The following KAT6A variants were observed in gnomAD, a reference collection of about 807,000 sequenced individuals.
The protein encoded by KAT6A is histone acetyltransferase KAT6A.
KAT6A carries 9 observed loss-of-function variants against 198.4 expected under a neutral mutation model. The ratio of observed to expected loss-of-function variants is 0.05; its 90% confidence interval spans 0.03 to 0.08. The LOEUF is 0.08. Ranked by LOEUF, KAT6A falls within the 10% of genes least tolerant of loss-of-function variation. The pLI is 1.00. For missense variants in KAT6A, 2,077 were observed against 2,509.9 expected (o/e 0.83, Z 3.69); for synonymous variants, 890 against 883.0 (o/e 1.01, Z -0.14).
intron 8 of KAT6A, among the ~76,000 whole-genome samples, chr8:41,972,682 A>G (rs1823856805): frequency 6.6e-6 from 1 of 152,248 alleles, no homozygotes. Flanking sequence ...GAGACTAGAG[A>G]GACGTGACAA....
At chr8:42,003,244 A>G (rs367820308) in intron 2 of KAT6A, among the ~76,000 whole-genome samples, 13 of 152,230 alleles carry the variant, frequency 8.5e-5, no homozygotes, top group African/African-American at 3.1e-4. Flanking sequence ...AGCTTCCTTC[A>G]GCTCTCAGAA....
At chr8:42,024,452 C>T (rs1283426309) in intron 2 of KAT6A, among the ~76,000 whole-genome samples, 1 of 152,184 alleles carries the variant, frequency 6.6e-6, no homozygotes, top group Non-Finnish European at 1.5e-5. Context: ...TGTTGGTTAA[C>T]ACTTGAAATC....
At chr8:41,951,952 G>A (rs1327307353) in intron 9 of KAT6A, among the ~76,000 whole-genome samples, 1 of 152,170 alleles carries the variant, frequency 6.6e-6, no homozygotes. Context: ...TGCAGTAAGA[G>A]AGAAGTGAGC....
intron 8 of KAT6A, among the ~76,000 whole-genome samples, chr8:41,967,274 A>ATTTTATTT (rs1554686629): frequency 2.9e-4 from 42 of 142,798 alleles, no homozygotes; most frequent in African/African-American, 1.0e-3. Flanking sequence ...TAAAAAAAAA[A>ATTTTATTT]ATTTATTTAT....
intron 2 of KAT6A, among the ~76,000 whole-genome samples, chr8:41,993,661 G>T (rs1416307953): frequency 1.3e-5 from 2 of 152,152 alleles, no homozygotes; most frequent in Admixed American, 6.5e-5. Context: ...TACCTTGGGG[G>T]TTTAAGTCAT....
intron 9 of KAT6A, among the ~76,000 whole-genome samples, chr8:41,951,157 T>C (rs184316452): frequency 6.6e-6 from 1 of 151,940 alleles, no homozygotes; most frequent in African/African-American, 2.4e-5. Context: ...ATGTATGGCA[T>C]TTTATTGATG....
chr8:42,026,859 G>T (rs920532985), intron 2 of KAT6A, among the ~76,000 whole-genome samples: 2 of 152,144 alleles, frequency 1.3e-5, no homozygotes, highest in Admixed American at 1.3e-4. Context: ...TAGAGAAAAG[G>T]CTTTCAGCTT....
At chr8:41,960,152 G>A (rs1823127130) in intron 8 of KAT6A, among the ~76,000 whole-genome samples, 1 of 151,938 alleles carries the variant, frequency 6.6e-6, no homozygotes, top group Non-Finnish European at 1.5e-5. Context: ...TGGGGGTAGG[G>A]GTGGGGGGTT....
At chr8:42,021,106 T>C (rs945696326) in intron 2 of KAT6A, among the ~76,000 whole-genome samples, 4 of 152,162 alleles carry the variant, frequency 2.6e-5, no homozygotes, top group Non-Finnish European at 2.9e-5. Context: ...TGAGGGGGAA[T>C]AGGAATATTG....
At chr8:42,005,195 A>G (rs1169955365) in intron 2 of KAT6A, among the ~76,000 whole-genome samples, 3 of 152,178 alleles carry the variant, frequency 2.0e-5, no homozygotes, top group Non-Finnish European at 2.9e-5. Context: ...AAAAATCAGT[A>G]CTTTTCTGTC....
chr8:42,012,348 T>G (rs1826061802), intron 2 of KAT6A, among the ~76,000 whole-genome samples: 1 of 152,156 alleles, frequency 6.6e-6, no homozygotes, highest in Non-Finnish European at 1.5e-5. Flanking sequence ...ATAATTTTAT[T>G]TGGGAAAAGG....
intron 2 of KAT6A, among the ~76,000 whole-genome samples, chr8:42,043,130 T>C (rs554524685): frequency 6.6e-6 from 1 of 152,360 alleles, no homozygotes; most frequent in South Asian, 2.1e-4. Context: ...CTCTATTCTG[T>C]CTGCTTTAAT....
chr8:41,966,508 A>G (rs567773078), intron 8 of KAT6A, among the ~76,000 whole-genome samples: 1 of 152,212 alleles, frequency 6.6e-6, no homozygotes, highest in Admixed American at 6.5e-5. Flanking sequence ...ACTCCTGTAT[A>G]GTAGTCATTG....
chr8:41,953,877 TATATAC>T (rs1822790539), intron 9 of KAT6A, among the ~76,000 whole-genome samples: 1 of 152,228 alleles, frequency 6.6e-6, no homozygotes, highest in African/African-American at 2.4e-5. Flanking sequence ...TCCTTTAACA[TATATAC>T]ATATACAATA....
intron 10 of KAT6A, among the ~76,000 whole-genome samples, 155 bp downstream of exon 10, chr8:41,949,067 T>C (rs866256384): frequency 2.6e-5 from 4 of 152,356 alleles, no homozygotes; most frequent in Non-Finnish European, 2.9e-5. Flanking sequence ...TCAACTGGCA[T>C]TTTATAATCA....
chr8:42,049,730 T>C (rs1802504028), intron 1 of KAT6A: 2 of 152,320 alleles, frequency 1.3e-5, no homozygotes, highest in South Asian at 4.1e-4. Context: ...TAAAAGTGAA[T>C]CTTTCATCTT....
intron 15 of KAT6A, among the ~76,000 whole-genome samples, chr8:41,938,530 A>C (rs1050353904): frequency 3.3e-5 from 5 of 152,220 alleles, no homozygotes; most frequent in African/African-American, 1.2e-4. Flanking sequence ...CCTTGGAGAA[A>C]AGGCTGATTC....
rs1008785083 is a variant in KAT6A at position 41,932,045 on chromosome 8, A to G, written c.*160T>C. ...GAACAAAATGAACCCAAAAAAAGAG[A>G]AGATCAGGTTTTCTAAAAAATAAAA... On this transcript the variant is annotated 3_prime_UTR_variant, in exon 17 of 17. Transcript: ENST00000265713. The G allele has an allele frequency of 4.4e-6, 3 of 675,030 alleles. No individual in the cohort carries two copies. The highest frequency in any genetic ancestry group is 3.7e-5 in the African/African-American group (2 of 53,646). 41.8% of individuals were successfully genotyped at this position (675,030 alleles called of 1,614,324 possible).
At chr8:41,936,579 T>C (rs1209853311) in intron 16 of KAT6A, among the ~76,000 whole-genome samples, 1 of 152,240 alleles carries the variant, frequency 6.6e-6, no homozygotes, top group East Asian at 1.9e-4. Context: ...GGCTCATATA[T>C]ATGAGACCTA....
Sources: gnomAD v4.1 joint callset for allele counts (sites outside exome capture counted in the v4.1 genomes callset) on GRCh38, gnomAD v4.1.1 for gene constraint, MANE v1.5 for transcripts, NCBI Gene and HGNC (gene_info 2026-07-23, HGNC 2026-07-21) for gene names.